Variants in DNAH12 observed in about 807,000 individuals in gnomAD.
DNAH12 encodes dynein axonemal heavy chain 12, also known as axonemal beta dynein heavy chain 12.
DNAH12 carries 285 observed loss-of-function variants against 371.5 expected under a neutral mutation model. That is an observed-to-expected ratio of 0.77 (90% confidence interval 0.70 to 0.85). The LOEUF (loss-of-function observed/expected upper bound fraction) is 0.85. Among genes scored for constraint, DNAH12 ranks in the 40% least tolerant of loss-of-function variants. The pLI is 0.00. For missense variants in DNAH12, 3,611 were observed against 3,689.4 expected (o/e 0.98, Z 0.55); for synonymous variants, 1,200 against 1,213.0 (o/e 0.99, Z 0.22).
intron 25 of DNAH12, among the ~76,000 whole-genome samples, chr3:57,449,492 C>A (rs1317941310): frequency 6.6e-6 from 1 of 152,180 alleles, no homozygotes. Context: ...CCATGCCCGG[C>A]GGGAAGGCAG....
At chr3:57,541,570 T>G (rs2069287157) in intron 2 of DNAH12, among the ~76,000 whole-genome samples, 1 of 151,844 alleles carries the variant, frequency 6.6e-6, no homozygotes, top group Non-Finnish European at 1.5e-5. Flanking sequence ...CTCACTACCT[T>G]GCTCAGACTC....
At chr3:57,539,837 T>C (rs2069197752) in intron 2 of DNAH12, among the ~76,000 whole-genome samples, 1 of 151,832 alleles carries the variant, frequency 6.6e-6, no homozygotes, top group African/African-American at 2.4e-5. Context: ...AGGATGGTCT[T>C]GATCTTCTGA....
intron 62 of DNAH12, among the ~76,000 whole-genome samples, chr3:57,330,880 T>A (rs1007533851): frequency 6.6e-6 from 1 of 152,100 alleles, no homozygotes; most frequent in Non-Finnish European, 1.5e-5. Flanking sequence ...CACCAGCCAA[T>A]TCCTTTCAGA....
Position 57,431,162 on chromosome 3 carries a change from C to T in DNAH12, c.4981-1388G>A, listed in dbSNP as rs557330967. 8.5e-5 allele frequency among the ~76,000 whole-genome samples: 13 copies of T among 152,264 alleles called. No homozygotes were observed. The East Asian group carries it at 9.6e-4, about 11-fold the overall frequency. ...ATTTGAAAGGTAGGGTCAGCATTCT[C>T]CTCACTGCCCTGTGTTGTTTCCCAA... On this transcript the variant is annotated intron_variant, in intron 32 of 73. Transcript: ENST00000495027.
At chr3:57,549,418 G>A in the DNAH12 span, among the ~76,000 whole-genome samples, 1 of 149,708 alleles carries the variant, frequency 6.7e-6, no homozygotes, top group African/African-American at 2.5e-5. Flanking sequence ...TTGGGAGGCT[G>A]ACGTGGGAGA....
At chr3:57,503,910 G>A (rs2067650868) in intron 9 of DNAH12, 106 bp downstream of exon 9, 1 of 896,628 alleles carries the variant, frequency 1.1e-6, no homozygotes. Flanking sequence ...ATAATTGGGG[G>A]AGGAAAATAA....
chr3:57,391,491 A>G (rs2063622458), intron 45 of DNAH12, among the ~76,000 whole-genome samples: 2 of 152,196 alleles, frequency 1.3e-5, no homozygotes, highest in African/African-American at 4.8e-5. Context: ...TCATAATCAT[A>G]TGAGCCAATT....
rs952042730 is a variant in DNAH12, at chr3:57,495,951, T to C, written c.1335+5370A>G. Reference sequence around the variant, plus strand: ...TATATATTTTATACTATTTTATCTATTTATATATTTATATATTTTAATCCC... The same window carrying C: ...TATATATTTTATACTATTTTATCTACTTATATATTTATATATTTTAATCCC... On this transcript the variant is annotated intron_variant, in intron 11 of 73. Transcript: ENST00000495027. Among the ~76,000 whole-genome samples the C allele has an allele frequency of 2.9e-3, 409 of 141,608 alleles. 3 individuals carry two copies. The highest frequency in any genetic ancestry group is 4.6e-3 in the Non-Finnish European group (302 of 66,360). The allele number at this position is 141,608 out of a possible 152,430, so 92.9% of individuals were successfully genotyped here.
chr3:57,472,467 C>T, intron 14 of DNAH12, 79 bp downstream of exon 14: 1 of 1,490,708 alleles, frequency 6.7e-7, no homozygotes, highest in Non-Finnish European at 9.0e-7. Context: ...GTTAGATGGC[C>T]AGGAGATATG....
chr3:57,295,383 A>C (rs529098455), intron 73 of DNAH12, 142 bp downstream of exon 73: 1 of 581,628 alleles, frequency 1.7e-6, no homozygotes, highest in African/African-American at 1.9e-5. Flanking sequence ...AATAATTTCT[A>C]ATGTAAATGT....
Position 57,295,691 on chromosome 3 carries a change from C to CTA in DNAH12, c.11625-101_11625-100dup, listed in dbSNP as rs2061219320. The stretch of plus-strand genomic sequence containing the variant: ...TATTGGCTTTTACTAAAAGAAAGGA[C>CTA]TAGAGGCATAGAGAAAAAGAAATGT... On this transcript the variant is annotated intron_variant, in intron 72 of 73. Transcript: ENST00000495027. 1.7e-5 allele frequency: 16 copies of CTA among 955,886 alleles called. No homozygotes were observed. The South Asian group carries it at 3.4e-4, about 20-fold the overall frequency. The allele number at this position is 955,886 out of a possible 1,614,324, so 59.2% of individuals were successfully genotyped here.
intron 11 of DNAH12, 110 bp downstream of exon 11, chr3:57,501,211 T>C (rs1239598812): frequency 2.6e-6 from 2 of 780,920 alleles, no homozygotes; most frequent in Non-Finnish European, 4.1e-6. Flanking sequence ...TTTACTGAAA[T>C]GATATTTTAA....
the DNAH12 span, among the ~76,000 whole-genome samples, chr3:57,555,179 A>G: frequency 6.6e-6 from 1 of 152,128 alleles, no homozygotes; most frequent in Non-Finnish European, 1.5e-5. Flanking sequence ...TGGAAGCCGA[A>G]GTTGCAGTAA....
In DNAH12 at chr3:57,444,761, G is replaced by A; in HGVS notation, c.4481C>T (p.Pro1494Leu). ...GTCACTAGTTATTCCATTAAATAAA[G>A]GTATATCATGTGATAAAAACTTTGG... is the stretch of plus-strand genomic sequence containing the variant. ...NEPKFLSHDI[P>L]LFNGITSDLF... The change falls in exon 29 of 74, where the codon CCT becomes CTT. Residue 1494 changes from proline (P) to leucine (L), a missense_variant. Physicochemically the swap from Pro to Leu is moderately conservative, Grantham distance 98 (BLOSUM62 -3). This residue lies in a region of DNAH12 where 2,266 missense variants were observed against 2,236.9 expected (regional missense o/e 1.01). Coordinates refer to ENST00000495027, the MANE Select transcript of DNAH12 (RefSeq NM_001366028.2). The A allele has an allele frequency of 6.5e-7, 1 of 1,548,366 alleles. No individual in the cohort carries two copies. Among genetic ancestry groups the A allele is most frequent in the East Asian group, 2.5e-5 (1 of 40,792 alleles).
Position 57,309,746 on chromosome 3 carries a change from G to C in DNAH12, c.11005C>G (p.Gln3669Glu). 6.4e-7 allele frequency: 1 copy of C among 1,551,278 alleles called. No homozygotes were observed. The highest frequency in any genetic ancestry group is 8.7e-7 in the Non-Finnish European group (1 of 1,146,804). The change falls in exon 68 of 74, where the codon CAG (glutamine) becomes GAG (glutamate). Residue 3669 changes from glutamine (Q) to glutamate (E), a missense_variant. Physicochemically the swap from Gln to Glu is conservative, Grantham distance 29 (BLOSUM62 2). Coordinates refer to ENST00000495027, the MANE Select transcript of DNAH12 (RefSeq NM_001366028.2). Reference sequence around the variant, plus strand: ...GCTCCTGTCTGTTTGGAGCCTCCCTGGGTGAGGAGCAAGGACTCAAAGAGG... The same window carrying C: ...GCTCCTGTCTGTTTGGAGCCTCCCTCGGTGAGGAGCAAGGACTCAAAGAGG... ...KTLFESLLLT[Q>E]GGSKQTGASG...
At position 57,388,668 on chromosome 3, in the gene DNAH12, G is replaced by A. The variant is rs1575532546; in HGVS notation, c.7306-1449C>T. 4.6e-5 allele frequency among the ~76,000 whole-genome samples: 7 copies of A among 152,102 alleles called. No individual in the cohort carries two copies. In the East Asian group the frequency reaches 1.4e-3, roughly 29 times the overall value. ...ATCATTAAAAAACATTACAGAGGAG[G>A]CTTAGACTGGATTAAGAAAATGTGG... On this transcript the variant is annotated intron_variant, in intron 45 of 73. Coordinates refer to ENST00000495027, the MANE Select transcript of DNAH12 (RefSeq NM_001366028.2).
chr3:57,349,122 T>C (rs1201634160), intron 60 of DNAH12, among the ~76,000 whole-genome samples: 1 of 151,876 alleles, frequency 6.6e-6, no homozygotes, highest in Non-Finnish European at 1.5e-5. Flanking sequence ...GAACTCAAAT[T>C]AGCAAGAAAA....
intron 9 of DNAH12, among the ~76,000 whole-genome samples, chr3:57,503,267 C>CAAAA (rs1053602894): frequency 5.3e-5 from 8 of 151,754 alleles, no homozygotes; most frequent in African/African-American, 1.9e-4. Flanking sequence ...CTGTCTCAAA[C>CAAAA]AAAACAAAAC....
intron 12 of DNAH12, among the ~76,000 whole-genome samples, chr3:57,484,256 T>C (rs538597148): frequency 1.3e-5 from 2 of 152,212 alleles, no homozygotes; most frequent in African/African-American, 4.8e-5. Context: ...GTACAGCAAG[T>C]AAACAGATCA....
Sources: allele counts gnomAD v4.1 joint callset (sites outside exome capture counted in the v4.1 genomes callset), GRCh38; gene constraint gnomAD v4.1.1; regional missense constraint gnomAD v4.1.1; transcripts MANE v1.5; gene names NCBI Gene and HGNC (gene_info 2026-07-23, HGNC 2026-07-21).